FBXL20: variants seen among roughly 807,000 people sequenced by gnomAD.
FBXL20 encodes the protein F-box/LRR-repeat protein 20.
A neutral mutation model predicts 64.0 loss-of-function variants in FBXL20; 11 were observed. That is an observed-to-expected ratio of 0.17 (90% CI 0.11 to 0.28). The LOEUF is 0.28. Ranked by LOEUF, FBXL20 falls within the 10% of genes least tolerant of loss-of-function variation. FBXL20 has a pLI of 1.00. For missense variants in FBXL20, 303 were observed against 526.2 expected (o/e 0.58, Z 4.15); for synonymous variants, 184 against 189.0 (o/e 0.97, Z 0.22).
intron 2 of FBXL20, among the ~76,000 whole-genome samples, chr17:39,341,115 A>C (rs775571414): frequency 6.6e-6 from 1 of 151,884 alleles, no homozygotes; most frequent in Non-Finnish European, 1.5e-5. Context: ...AAATACATTC[A>C]TAAGTATTAA....
intron 2 of FBXL20, among the ~76,000 whole-genome samples, chr17:39,316,013 G>A (rs2047288063): frequency 6.6e-6 from 1 of 152,136 alleles, no homozygotes; most frequent in Non-Finnish European, 1.5e-5. Context: ...GAACCTTAGA[G>A]TTCAAGGTTA....
At chr17:39,333,860 G>A (rs1458027144) in intron 2 of FBXL20, among the ~76,000 whole-genome samples, 1 of 148,586 alleles carries the variant, frequency 6.7e-6, no homozygotes, top group Non-Finnish European at 1.5e-5. Flanking sequence ...GGTGAGGAGC[G>A]TCTCTGACCG....
Position 39,297,128 on chromosome 17 carries a change from C to T in FBXL20, c.397G>A (p.Ala133Thr), listed in dbSNP as rs375335340. ...CCTCCAAAAACATAAAATACTTACG[C>T]GTCTGTTGTCTTTGTACACCCATTT... ...NLNGCTKTTDATCTSLSKFCS... is the reference protein window; with the variant it reads ...NLNGCTKTTDTTCTSLSKFCS... Residue 133 changes from alanine to threonine, a missense_variant and splice_region_variant, in exon 6 of 15, where the codon GCT becomes ACT. Physicochemically the swap from Ala to Thr is moderately conservative, Grantham distance 58. Transcript: ENST00000264658. 24 of 1,603,686 alleles carry T rather than the reference C, an allele frequency of 1.5e-5. 1 individual carries two copies. The highest frequency in any genetic ancestry group is 1.7e-4 in the Middle Eastern group (1 of 6,018).
At chr17:39,287,681 A>G (rs916681417) in intron 6 of FBXL20, among the ~76,000 whole-genome samples, 4 of 152,186 alleles carry the variant, frequency 2.6e-5, no homozygotes, top group Non-Finnish European at 5.9e-5. Flanking sequence ...CTGGGATTAC[A>G]AGCATGATCC....
upstream of FBXL20, chr17:39,402,283 T>G: frequency 8.7e-7 from 1 of 1,152,670 alleles, no homozygotes; most frequent in South Asian, 4.4e-5. Flanking sequence ...CCTCCGCGGT[T>G]GCCGCCGCCG....
intron 6 of FBXL20, 147 bp from the exon 7 acceptor site, chr17:39,285,720 G>A (rs16968717): frequency 0.057 from 21,220 of 369,198 alleles, 751 homozygotes; most frequent in Non-Finnish European, 0.074. Context: ...TATATCCTAC[G>A]ACCCTTCACA....
chr17:39,394,013 C>G (rs890105491), intron 1 of FBXL20, among the ~76,000 whole-genome samples: 6 of 152,086 alleles, frequency 3.9e-5, no homozygotes, highest in African/African-American at 1.2e-4. Flanking sequence ...AACTGTAAAC[C>G]ACAGTTGGAT....
chr17:39,372,483 C>T (rs190958872), intron 1 of FBXL20, among the ~76,000 whole-genome samples: 2 of 120,406 alleles, frequency 1.7e-5, no homozygotes, highest in African/African-American at 6.7e-5. Flanking sequence ...TGCGCCACTG[C>T]ACTCCAGCCT....
In FBXL20 at chr17:39,349,893, G is replaced by A. The variant is rs1187162532; in HGVS notation, c.43-6652C>T. ...GGAGCTTGCAGTGAGCAGAGATCGC[G>A]CCACTGCACTCCAGCCTGGGCTAAA... is the stretch of plus-strand genomic sequence containing the variant. On this transcript the variant is annotated intron_variant, in intron 1 of 14. Coordinates refer to ENST00000264658, the MANE Select transcript of FBXL20 (RefSeq NM_032875.3). Among the ~76,000 whole-genome samples the A allele has an allele frequency of 6.0e-5, 9 of 149,190 alleles. No homozygotes were observed. In the East Asian group the frequency reaches 7.9e-4, roughly 13 times the overall value.
At chr17:39,350,372 C>T (rs777352885) in intron 1 of FBXL20, among the ~76,000 whole-genome samples, 9 of 152,038 alleles carry the variant, frequency 5.9e-5, no homozygotes, top group Non-Finnish European at 1.2e-4. Flanking sequence ...GCCTATAATC[C>T]CAGCTACCTG....
chr17:39,257,072 C>T lies in FBXL20; in HGVS notation c.*4388G>A, dbSNP rs2046702855. 1 of 152,082 alleles carries T rather than the reference C, an allele frequency of 6.6e-6. No individual in the cohort carries two copies. Among genetic ancestry groups the T allele is most frequent in the Admixed American group, 6.6e-5 (1 of 15,248 alleles). 9.4% of individuals were successfully genotyped at this position (152,082 alleles called of 1,614,324 possible). Reference sequence around the variant, plus strand: ...CGATCTCAGCTCACTGCAACCTCCACCTCCCGGGTTCAAGCAATTCTCTGC... The same window carrying T: ...CGATCTCAGCTCACTGCAACCTCCATCTCCCGGGTTCAAGCAATTCTCTGC... On this transcript the variant is annotated 3_prime_UTR_variant, in exon 15 of 15. Transcript: ENST00000264658.
At chr17:39,300,096 C>T (rs1485093313) in intron 4 of FBXL20, among the ~76,000 whole-genome samples, 1 of 152,022 alleles carries the variant, frequency 6.6e-6, no homozygotes, top group Admixed American at 6.6e-5. Context: ...GACTCTGTCT[C>T]GAAAACAAAC....
At chr17:39,309,607 A>G (rs966217200) in intron 2 of FBXL20, among the ~76,000 whole-genome samples, 1 of 152,052 alleles carries the variant, frequency 6.6e-6, no homozygotes, top group Non-Finnish European at 1.5e-5. Flanking sequence ...GTTCGAGACC[A>G]GCCTGGCCAA....
At chr17:39,351,859 T>A (rs563120315) in intron 1 of FBXL20, among the ~76,000 whole-genome samples, 8 of 152,208 alleles carry the variant, frequency 5.3e-5, no homozygotes, top group Admixed American at 1.3e-4. Flanking sequence ...TTCTTAAATA[T>A]ATTGGTTTTT....
intron 1 of FBXL20, among the ~76,000 whole-genome samples, chr17:39,398,379 A>G (rs2048208078): frequency 6.6e-6 from 1 of 152,334 alleles, no homozygotes; most frequent in Non-Finnish European, 1.5e-5. Context: ...GTATTCAATA[A>G]CCATCGTTAA....
At chr17:39,312,797 C>T (rs2047247627) in intron 2 of FBXL20, among the ~76,000 whole-genome samples, 2 of 150,798 alleles carry the variant, frequency 1.3e-5, no homozygotes, top group Non-Finnish European at 2.9e-5. Context: ...AGGATGGTCT[C>T]CATCTCCTGA....
intron 11 of FBXL20, among the ~76,000 whole-genome samples, chr17:39,269,777 C>T (rs958619495): frequency 6.6e-6 from 1 of 152,144 alleles, no homozygotes; most frequent in Non-Finnish European, 1.5e-5. Flanking sequence ...GGATTACAGG[C>T]ATGAGCCACC....
intron 3 of FBXL20, among the ~76,000 whole-genome samples, chr17:39,302,522 C>T (rs1489972263): frequency 6.6e-6 from 1 of 152,054 alleles, no homozygotes; most frequent in African/African-American, 2.4e-5. Context: ...TACAGGCATC[C>T]GCCTCCATGC....
At chr17:39,277,754 CAAAAA>C (rs34095802) in intron 9 of FBXL20, among the ~76,000 whole-genome samples, 6 of 89,932 alleles carry the variant, frequency 6.7e-5, no homozygotes, top group South Asian at 7.6e-4. Flanking sequence ...AACTCCGTCT[CAAAAA>C]AAAAAAAAAA....
Sources: allele counts gnomAD v4.1 joint callset (sites outside exome capture counted in the v4.1 genomes callset), GRCh38; gene constraint gnomAD v4.1.1; transcripts MANE v1.5; gene names NCBI Gene and HGNC (gene_info 2026-07-23, HGNC 2026-07-21).